Variants in PIEZO2 observed in about 807,000 individuals in gnomAD.
PIEZO2 encodes the protein piezo-type mechanosensitive ion channel component 2.
Under a neutral mutation model 337.3 loss-of-function variants are expected in PIEZO2, and 172 were observed. The observed-to-expected ratio is 0.51, with a 90% CI of 0.45 to 0.58. PIEZO2 has a LOEUF of 0.58. Ranked by LOEUF, PIEZO2 falls within the 20% of genes least tolerant of loss-of-function variation. PIEZO2 has a pLI of 0.00. For missense variants in PIEZO2, 3,028 were observed against 3,391.3 expected (o/e 0.89, Z 2.66); for synonymous variants, 1,251 against 1,228.5 (o/e 1.02, Z -0.38).
chr18:10,976,665 C>T (rs767186723), intron 3 of PIEZO2, among the ~76,000 whole-genome samples: 1 of 152,168 alleles, frequency 6.6e-6, no homozygotes, highest in Non-Finnish European at 1.5e-5. Context: ...TAGATGCTGA[C>T]ATGTTCAAAC....
At chr18:10,840,528 A>C (rs952880284) in intron 7 of PIEZO2, among the ~76,000 whole-genome samples, 1 of 152,174 alleles carries the variant, frequency 6.6e-6, no homozygotes, top group African/African-American at 2.4e-5. Context: ...TTCTTCTATA[A>C]TTTTAAGTGA....
chr18:11,015,034 C>T (rs2660266), intron 2 of PIEZO2, among the ~76,000 whole-genome samples: 34,720 of 120,962 alleles, frequency 0.29, 5,871 homozygotes, highest in Non-Finnish European at 0.33. Context: ...GGCGGGACAG[C>T]GATCCATGAC....
At chr18:10,893,523 T>C (rs2042812588) in intron 4 of PIEZO2, 1 of 152,216 alleles carries the variant, frequency 6.6e-6, no homozygotes, top group Non-Finnish European at 1.5e-5. Context: ...AGGGTCTCTC[T>C]GCATGGGTTC....
Position 11,126,343 on chromosome 18 carries a change from A to G in PIEZO2, c.64+22182T>C, listed in dbSNP as rs1392921287. On this transcript the variant is annotated intron_variant, in intron 1 of 55. Transcript: ENST00000674853. This position sits in a 1 kb window ranked among gnomAD's most constrained non-coding sequence, Gnocchi z 4.6. ...CACTCCCCTCTCTCCTTTCTGTTCA[A>G]ATGCAAGGACTCACCTCATTGCACT... Among the ~76,000 whole-genome samples, 4 of 152,126 alleles carry G rather than the reference A, an allele frequency of 2.6e-5. No homozygotes were observed. Among genetic ancestry groups the G allele is most frequent in the African/African-American group, 9.7e-5 (4 of 41,432 alleles).
Position 10,854,397 on chromosome 18 carries a change from A to G in PIEZO2, c.917+956T>C, listed in dbSNP as rs540891272. On this transcript the variant is annotated intron_variant, in intron 7 of 55. Coordinates refer to ENST00000674853, the MANE Select transcript of PIEZO2 (RefSeq NM_001378183.1). The surrounding 1 kb of genome is among the most constrained non-coding windows in gnomAD (Gnocchi z 4.6). The stretch of plus-strand genomic sequence containing the variant: ...GGTTCTACTTTGTCATTGTGCAACC[A>G]CCACGACCTTTATAGTAATTATTTC... 5.9e-5 allele frequency among the ~76,000 whole-genome samples: 9 copies of G among 152,308 alleles called. No individual in the cohort carries two copies. Among genetic ancestry groups the G allele is most frequent in the Admixed American group, 4.6e-4 (7 of 15,294 alleles).
chr18:10,773,337 G>A lies in PIEZO2; in HGVS notation c.2785+75C>T. The A allele has an allele frequency of 7.1e-7, 1 of 1,406,386 alleles. No homozygotes were observed. Among genetic ancestry groups the A allele is most frequent in the East Asian group, 2.5e-5 (1 of 40,222 alleles). 87.1% of individuals were successfully genotyped at this position (1,406,386 alleles called of 1,614,324 possible). ...ACTGGGTCAAATATATATTCTTTTGGAGCAAGTCAATGTTTCCTTCACTCA... is the reference window on the plus strand; with the variant it reads ...ACTGGGTCAAATATATATTCTTTTGAAGCAAGTCAATGTTTCCTTCACTCA... On this transcript the variant is annotated intron_variant, in intron 20 of 55. Coordinates refer to ENST00000674853, the MANE Select transcript of PIEZO2 (RefSeq NM_001378183.1). The surrounding 1 kb of genome is among the most constrained non-coding windows in gnomAD (Gnocchi z 5.3).
At chr18:11,118,042 TTA>T (rs953867605) in intron 1 of PIEZO2, among the ~76,000 whole-genome samples, 10 of 152,236 alleles carry the variant, frequency 6.6e-5, no homozygotes, top group African/African-American at 2.2e-4. Context: ...GTAACAATTT[TTA>T]TGTTTCCTTC....
chr18:11,051,391 G>T (rs2037531533), intron 2 of PIEZO2, among the ~76,000 whole-genome samples: 4 of 151,986 alleles, frequency 2.6e-5, no homozygotes, highest in Admixed American at 2.6e-4. Context: ...GGGTGTGGGT[G>T]TAACATAAAC....
chr18:10,916,773 C>T (rs753569516), intron 3 of PIEZO2, among the ~76,000 whole-genome samples: 45 of 152,144 alleles, frequency 3.0e-4, no homozygotes, highest in Non-Finnish European at 5.3e-4. Context: ...ATTGCCAGAG[C>T]GGGCCCCAAG....
intron 2 of PIEZO2, among the ~76,000 whole-genome samples, chr18:11,022,470 G>T (rs1410421798): frequency 6.6e-6 from 1 of 152,184 alleles, no homozygotes; most frequent in African/African-American, 2.4e-5. Flanking sequence ...AAGGCTAGAA[G>T]CCCACGATCA....
chr18:11,006,182 C>A (rs1232290321), intron 2 of PIEZO2, among the ~76,000 whole-genome samples: 2 of 152,140 alleles, frequency 1.3e-5, no homozygotes, highest in Non-Finnish European at 2.9e-5. Flanking sequence ...GTTTTGTACA[C>A]TTCACCACTT....
chr18:10,679,591 G>T (rs2034173248), intron 52 of PIEZO2, among the ~76,000 whole-genome samples: 1 of 152,068 alleles, frequency 6.6e-6, no homozygotes, highest in African/African-American at 2.4e-5. Flanking sequence ...TTCATTTCTA[G>T]TGTTTATGTG....
intron 40 of PIEZO2, 23 bp downstream of exon 40, chr18:10,708,252 C>A (rs537190276): frequency 1.3e-5 from 2 of 152,640 alleles, no homozygotes; most frequent in East Asian, 3.9e-4. Context: ...AATGACAGAA[C>A]AAAGCATGCA....
intron 4 of PIEZO2, among the ~76,000 whole-genome samples, chr18:10,892,529 G>C (rs537889406): frequency 2.6e-4 from 40 of 152,136 alleles, no homozygotes; most frequent in Admixed American, 5.2e-4. Context: ...GGATAATGAA[G>C]ATAACACACA....
At position 11,149,456 on chromosome 18, in the gene PIEZO2, G is replaced by C. The variant is rs1028174841; in HGVS notation, c.-868C>G. 6.6e-6 allele frequency among the ~76,000 whole-genome samples: 1 copy of C among 152,020 alleles called. No homozygotes were observed. The highest frequency in any genetic ancestry group is 1.5e-5 in the Non-Finnish European group (1 of 67,960). On this transcript the variant is annotated 5_prime_UTR_variant, in exon 1 of 56. Coordinates refer to ENST00000674853, the MANE Select transcript of PIEZO2 (RefSeq NM_001378183.1). The surrounding 1 kb of genome is among the most constrained non-coding windows in gnomAD (Gnocchi z 8.7). ...TCCACCGCCTCAATTTAAAACTCAAGAGAAAAACCAGCGCCGTCCCGTCGC... is the reference window on the plus strand; with the variant it reads ...TCCACCGCCTCAATTTAAAACTCAACAGAAAAACCAGCGCCGTCCCGTCGC...
In PIEZO2 at chr18:11,119,279, C is replaced by G. The variant is rs1257745412; in HGVS notation, c.64+29246G>C. Among the ~76,000 whole-genome samples, 3 of 151,826 alleles carry G rather than the reference C, an allele frequency of 2.0e-5. No homozygotes were observed. The East Asian group carries it at 5.8e-4, about 30-fold the overall frequency. ...TCTCCTGCCACAGCCTCTTAAGTAG[C>G]TGGGACTACAGGCCCATGCCCAGCT... On this transcript the variant is annotated intron_variant, in intron 1 of 55. Transcript: ENST00000674853.
intron 49 of PIEZO2, among the ~76,000 whole-genome samples, chr18:10,689,134 CT>C (rs1410797867): frequency 6.6e-6 from 1 of 152,202 alleles, no homozygotes. Flanking sequence ...GCAACAGACT[CT>C]TCTTCCATAT....
chr18:10,924,938 A>C (rs1394042496), intron 3 of PIEZO2, among the ~76,000 whole-genome samples: 2 of 152,220 alleles, frequency 1.3e-5, no homozygotes. Context: ...TTGATAGTTA[A>C]AAATTTTATG....
At chr18:11,085,791 A>T (rs973717082) in intron 1 of PIEZO2, among the ~76,000 whole-genome samples, 1 of 151,686 alleles carries the variant, frequency 6.6e-6, no homozygotes, top group Non-Finnish European at 1.5e-5. Flanking sequence ...TTTAAAGCTT[A>T]CTTAAATTGT....
Sources: gnomAD v4.1 joint callset for allele counts (sites outside exome capture counted in the v4.1 genomes callset) on GRCh38, gnomAD v4.1.1 for gene constraint, Gnocchi (gnomAD v3.1) non-coding constraint, MANE v1.5 for transcripts, NCBI Gene and HGNC (gene_info 2026-07-23, HGNC 2026-07-21) for gene names.